GABRA4: variants seen among roughly 807,000 people sequenced by gnomAD.
The protein encoded by GABRA4 is gamma-aminobutyric acid receptor subunit alpha-4.
GABRA4 carries 12 observed loss-of-function variants against 49.7 expected under a neutral mutation model. The ratio of observed to expected loss-of-function variants is 0.24; its 90% CI spans 0.15 to 0.39. The LOEUF (loss-of-function observed/expected upper bound fraction) is 0.39, where lower values mean the gene tolerates loss of function less well. Ranked by LOEUF, GABRA4 falls within the 10% of genes least tolerant of loss-of-function variation. GABRA4 has a pLI of 1.00. For missense variants in GABRA4, 506 were observed against 686.0 expected (o/e 0.74, Z 2.93); for synonymous variants, 288 against 240.2 (o/e 1.20, Z -1.84).
chr4:46,983,313 G>A lies in GABRA4; in HGVS notation c.206-4215C>T, dbSNP rs189775600. On this transcript the variant is annotated intron_variant, in intron 2 of 8. Coordinates refer to ENST00000264318, the MANE Select transcript of GABRA4 (RefSeq NM_000809.4). ...AGTTTCTGAAGTATTTTCTCAAAGCGCTTTTCATGCCTTTACTATTATTCT... is the reference window on the plus strand; with the variant it reads ...AGTTTCTGAAGTATTTTCTCAAAGCACTTTTCATGCCTTTACTATTATTCT... 1.3e-3 allele frequency among the ~76,000 whole-genome samples: 202 copies of A among 152,112 alleles called. 1 individual carries two copies. The Middle Eastern group carries it at 0.02, about 15-fold the overall frequency.
chr4:46,963,066 C>T (rs1300179813), intron 8 of GABRA4, among the ~76,000 whole-genome samples: 1 of 151,742 alleles, frequency 6.6e-6, no homozygotes. Context: ...ACCTTAGAAG[C>T]ATGGCAACCA....
At chr4:46,993,297 C>T (rs1723846468) in intron 1 of GABRA4, 42 bp downstream of exon 1, 2 of 1,556,674 alleles carry the variant, frequency 1.3e-6, no homozygotes. Context: ...AGCCATTTCT[C>T]CACTTTCCGT....
chr4:46,933,775 C>T (rs1328327898), intron 8 of GABRA4, among the ~76,000 whole-genome samples: 1 of 152,140 alleles, frequency 6.6e-6, no homozygotes, highest in African/African-American at 2.4e-5. Context: ...AGCTGATGCA[C>T]AGTGGTTTCG....
Position 46,928,482 on chromosome 4 carries a change from C to T in GABRA4, c.1408G>A (p.Val470Ile). The T allele has an allele frequency of 1.2e-6, 2 of 1,613,628 alleles. No homozygotes were observed. The highest frequency in any genetic ancestry group is 1.7e-6 in the Non-Finnish European group (2 of 1,179,712). ...RTGYMPRKAS[V>I]GSASTRHVFG... Reference sequence around the variant, plus strand: ...ACGTGACGAGTAGAAGCAGATCCAACTGAAGCCTTTCGAGGCATATATCCA... The same window carrying T: ...ACGTGACGAGTAGAAGCAGATCCAATTGAAGCCTTTCGAGGCATATATCCA... Residue 470 changes from valine to isoleucine, a missense_variant, in exon 9 of 9, where the codon GTT becomes ATT. Coordinates refer to ENST00000264318, the MANE Select transcript of GABRA4 (RefSeq NM_000809.4).
At chr4:46,956,990 C>T (rs1722389959) in intron 8 of GABRA4, among the ~76,000 whole-genome samples, 1 of 151,814 alleles carries the variant, frequency 6.6e-6, no homozygotes, top group African/African-American at 2.4e-5. Context: ...AAGCAAAATG[C>T]CACAGAATAT....
chr4:46,982,500 C>G (rs1244352719), intron 2 of GABRA4, among the ~76,000 whole-genome samples: 1 of 152,000 alleles, frequency 6.6e-6, no homozygotes, highest in East Asian at 1.9e-4. Flanking sequence ...ATCCCCAGAA[C>G]TGTGAAAAAT....
At chr4:46,953,663 G>C (rs1340323032) in intron 8 of GABRA4, among the ~76,000 whole-genome samples, 3 of 152,150 alleles carry the variant, frequency 2.0e-5, no homozygotes, top group Non-Finnish European at 4.4e-5. Flanking sequence ...AAAAGTAGAT[G>C]ATCTAAAAAA....
chr4:46,970,226 T>C (rs1298016574), intron 7 of GABRA4, among the ~76,000 whole-genome samples: 2 of 151,438 alleles, frequency 1.3e-5, no homozygotes, highest in Admixed American at 1.3e-4. Flanking sequence ...AAGGATATTA[T>C]ACCATGGCTG....
At position 46,974,153 on chromosome 4, in the gene GABRA4, T is replaced by C. The variant is rs1403909551; in HGVS notation, c.721+79A>G. The C allele has an allele frequency of 6.4e-6, 9 of 1,414,098 alleles. No individual in the cohort carries two copies. The Admixed American group carries it at 1.3e-4, about 20-fold the overall frequency. The allele number at this position is 1,414,098 out of a possible 1,614,324, so 87.6% of individuals were successfully genotyped here. A position where few individuals can be genotyped will look rare whatever the true frequency, so the allele number is the denominator to read the frequency against. ...TTGTTGTTCTCCTGAAAAAATTAAC[T>C]ATTTCAATGAAAAAGTCAGGAGAAA... On this transcript the variant is annotated intron_variant, in intron 6 of 8. Coordinates refer to ENST00000264318, the MANE Select transcript of GABRA4 (RefSeq NM_000809.4).
chr4:46,974,439 C>T (rs1383006920), intron 5 of GABRA4, 64 bp from the exon 6 acceptor site: 9 of 1,399,906 alleles, frequency 6.4e-6, no homozygotes, highest in Admixed American at 2.1e-5. Flanking sequence ...CAGTGGTCAA[C>T]ACTTAAAAAC....
At chr4:46,992,056 G>T (rs1346336543) in intron 2 of GABRA4, among the ~76,000 whole-genome samples, 1 of 152,166 alleles carries the variant, frequency 6.6e-6, no homozygotes, top group African/African-American at 2.4e-5. Context: ...GCTGTTTGAG[G>T]TTAAGAATTG....
At chr4:46,942,591 C>T (rs181938940) in intron 8 of GABRA4, among the ~76,000 whole-genome samples, 1 of 149,976 alleles carries the variant, frequency 6.7e-6, no homozygotes, top group East Asian at 2.0e-4. Flanking sequence ...CACTATTGCA[C>T]TCCAGCCTGG....
At chr4:46,977,861 A>C (rs1723201547) in intron 3 of GABRA4, among the ~76,000 whole-genome samples, 1 of 152,058 alleles carries the variant, frequency 6.6e-6, no homozygotes, top group Non-Finnish European at 1.5e-5. Flanking sequence ...AGATAAATAA[A>C]TTACCACACA....
chr4:46,930,848 C>A (rs1338124439), intron 8 of GABRA4, among the ~76,000 whole-genome samples: 1 of 151,274 alleles, frequency 6.6e-6, no homozygotes, highest in Non-Finnish European at 1.5e-5. Flanking sequence ...AAAAAAAAAC[C>A]TGTTGTTTGA....
rs961001410 is a variant in GABRA4, at chr4:46,968,081, A to G, written c.875-2852T>C. ...CAGTCTCTAATGATGTCTCTGACCC[A>G]ACAAATTATCTTCTTATGAGTGGAA... On this transcript the variant is annotated intron_variant, in intron 7 of 8. Coordinates refer to ENST00000264318, the MANE Select transcript of GABRA4 (RefSeq NM_000809.4). Among the ~76,000 whole-genome samples, 8 of 151,660 alleles carry G rather than the reference A, an allele frequency of 5.3e-5. 2 individuals are homozygous for G. Among genetic ancestry groups the G allele is most frequent in the Admixed American group, 1.3e-4 (2 of 15,170 alleles).
chr4:46,953,694 C>T (rs28627828), intron 8 of GABRA4, among the ~76,000 whole-genome samples: 2,067 of 152,150 alleles, frequency 0.014, 41 homozygotes, highest in African/African-American at 0.047. Flanking sequence ...TTTCTCTGAC[C>T]GCTTTCTACG....
intron 8 of GABRA4, among the ~76,000 whole-genome samples, chr4:46,960,516 G>A (rs1722538024): frequency 6.6e-6 from 1 of 151,514 alleles, no homozygotes; most frequent in Non-Finnish European, 1.5e-5. Context: ...TAAAATATCT[G>A]TAACATTCAA....
chr4:46,967,147 A>G (rs1233624792), intron 7 of GABRA4, among the ~76,000 whole-genome samples: 7 of 151,750 alleles, frequency 4.6e-5, no homozygotes, highest in African/African-American at 7.2e-5. Context: ...AAAATGTTCT[A>G]TAACTTTCTC....
chr4:46,970,141 A>T (rs958683130), intron 7 of GABRA4, among the ~76,000 whole-genome samples: 2 of 151,376 alleles, frequency 1.3e-5, no homozygotes, highest in African/African-American at 4.8e-5. Context: ...CTTGAAAAGG[A>T]TGGGGAGGTA....
Sources: allele counts gnomAD v4.1 joint callset (sites outside exome capture counted in the v4.1 genomes callset), GRCh38; gene constraint gnomAD v4.1.1; transcripts MANE v1.5; gene names NCBI Gene and HGNC (gene_info 2026-07-23, HGNC 2026-07-21).